UGT3A1: variants seen among roughly 807,000 people sequenced by gnomAD.
UGT3A1 encodes the protein UDP-glycosyltransferase 3A1.
In UGT3A1, 40 loss-of-function variants were observed where a neutral mutation model predicts 37.6. The ratio of observed to expected loss-of-function variants is 1.06; its 90% CI spans 0.83 to 1.38. The LOEUF is 1.38. UGT3A1 is among the 40% of genes most tolerant of loss of function. The probability of loss-of-function intolerance (pLI) is 0.00; values close to 1 mark genes in which losing one functional copy is unlikely to be tolerated. For synonymous variants in UGT3A1, 256 were observed against 232.3 expected (o/e 1.10, Z -0.93); for missense variants, 642 against 634.2 (o/e 1.01, Z -0.13).
intron 3 of UGT3A1, among the ~76,000 whole-genome samples, chr5:35,966,423 T>A (rs943517412): frequency 2.6e-5 from 4 of 152,206 alleles, no homozygotes; most frequent in Non-Finnish European, 5.9e-5. Flanking sequence ...TTGATGACAA[T>A]ATTAGAATCC....
Position 35,954,406 on chromosome 5 carries a change from C to A in UGT3A1, c.1368G>T (p.Val456=), listed in dbSNP as rs1437956219. Residue 456 remains valine (V), a synonymous_variant, in exon 7 of 7, where the codon GTG becomes GTT. Transcript: ENST00000274278. ...TCTGGAGGATGTGGTCGATCCAGCC[C>A]ACCAGCCGCTGTGCGGGGCTCAGGG... ...SQPLSPAQRL[V]GWIDHILQTG... is the part of the protein sequence containing the mutation. 1 of 1,614,212 alleles carries A rather than the reference C, an allele frequency of 6.2e-7. No homozygotes were observed. The highest frequency in any genetic ancestry group is 1.1e-5 in the South Asian group (1 of 91,076).
chr5:35,954,682 A>G, intron 6 of UGT3A1: 1 of 595,330 alleles, frequency 1.7e-6, no homozygotes, highest in Non-Finnish European at 3.0e-6. Flanking sequence ...ACCCACATAC[A>G]AAGACCAATG....
chr5:35,977,710 T>C (rs923298577), intron 2 of UGT3A1, among the ~76,000 whole-genome samples: 8 of 152,224 alleles, frequency 5.3e-5, no homozygotes, highest in Non-Finnish European at 1.0e-4. Context: ...CTTTATAAAT[T>C]ATGCTGCCTC....
intron 2 of UGT3A1, among the ~76,000 whole-genome samples, chr5:35,987,415 C>A (rs1167579403): frequency 6.6e-6 from 1 of 152,112 alleles, no homozygotes; most frequent in East Asian, 1.9e-4. Context: ...TCCACAGAAT[C>A]ATTTGTAGAT....
chr5:35,972,842 G>A (rs1048124904), intron 2 of UGT3A1, among the ~76,000 whole-genome samples: 4 of 151,436 alleles, frequency 2.6e-5, no homozygotes, highest in African/African-American at 9.7e-5. Context: ...TAAATTCCAA[G>A]CTCTGTCTCC....
chr5:35,965,289 A>T, intron 4 of UGT3A1, 97 bp downstream of exon 4: 6 of 1,338,790 alleles, frequency 4.5e-6, no homozygotes, highest in Non-Finnish European at 6.1e-6. Context: ...GCCAATCCCT[A>T]CTTCAACCTC....
At chr5:35,999,529 G>A (rs769321051) in intron 1 of UGT3A1, among the ~76,000 whole-genome samples, 9 of 152,136 alleles carry the variant, frequency 5.9e-5, no homozygotes, top group South Asian at 2.1e-4. Flanking sequence ...CTTGACTCCC[G>A]AAACTAAAAT....
chr5:35,962,708 C>T, intron 4 of UGT3A1: 1 of 582,370 alleles, frequency 1.7e-6, no homozygotes, highest in East Asian at 2.9e-5. Flanking sequence ...CAGATGGTAT[C>T]ACAATGAATG....
upstream of UGT3A1, among the ~76,000 whole-genome samples, chr5:35,992,392 G>A (rs1740979056): frequency 2.0e-5 from 3 of 152,060 alleles, no homozygotes; most frequent in Non-Finnish European, 4.4e-5. Flanking sequence ...GGTTGGGGGA[G>A]CGAAAGGGAG....
In UGT3A1 at chr5:35,954,041, C is replaced by T. The variant is rs700165; in HGVS notation, c.*161G>A. On this transcript the variant is annotated 3_prime_UTR_variant, in exon 7 of 7. Transcript: ENST00000274278. ...GGCAAGTCAAGAAGCCTCAGTGGTG[C>T]GTGAAGATTTCTAAACAGAGGCAGA... 0.2 allele frequency: 152,110 copies of T among 770,298 alleles called. 15,963 individuals carry two copies. Among genetic ancestry groups the T allele is most frequent in the African/African-American group, 0.26 (14,592 of 56,910 alleles). The allele number at this position is 770,298 out of a possible 1,614,324, so 47.7% of individuals were successfully genotyped here.
chr5:35,966,680 GA>G (rs1451010008), intron 3 of UGT3A1, among the ~76,000 whole-genome samples: 1 of 152,124 alleles, frequency 6.6e-6, no homozygotes, highest in Non-Finnish European at 1.5e-5. Context: ...ATAGAATACA[GA>G]AGAAGAGATG....
intron 4 of UGT3A1, chr5:35,962,808 G>T: frequency 1.4e-6 from 1 of 689,842 alleles, no homozygotes; most frequent in African/African-American, 1.8e-5. Flanking sequence ...GATTCTGAGG[G>T]TCAAAGCAGA....
At chr5:35,974,238 T>C (rs1306176720) in intron 2 of UGT3A1, among the ~76,000 whole-genome samples, 1 of 152,148 alleles carries the variant, frequency 6.6e-6, no homozygotes, top group Non-Finnish European at 1.5e-5. Flanking sequence ...CTGCTGAACA[T>C]TGGACCTTGA....
At chr5:35,955,511 C>T in intron 6 of UGT3A1, 134 bp downstream of exon 6, 1 of 997,036 alleles carries the variant, frequency 1.0e-6, no homozygotes, top group Non-Finnish European at 1.5e-6. Flanking sequence ...AACAGGTGGG[C>T]TGTTAGCATC....
In UGT3A1 at chr5:35,988,552, C is replaced by G; in HGVS notation, c.95-1G>C. 1.9e-6 allele frequency: 3 copies of G among 1,607,154 alleles called. No homozygotes were observed. Among genetic ancestry groups the G allele is most frequent in the Non-Finnish European group, 2.6e-6 (3 of 1,175,684 alleles). On this transcript the variant is annotated splice_acceptor_variant, in intron 1 of 6. Transcript: ENST00000274278. LOFTEE classifies it high-confidence loss of function. ...TCCAACAGTAGGTAATGGCTTCCAC[C>G]TAGAAACAATGCACAATGTCTTTTG...
chr5:35,969,401 T>A (rs1247421373), intron 2 of UGT3A1, among the ~76,000 whole-genome samples: 3 of 152,076 alleles, frequency 2.0e-5, no homozygotes, highest in Non-Finnish European at 2.9e-5. Flanking sequence ...AGAAAGAAGG[T>A]CTCTAACCTT....
chr5:35,997,159 G>A (rs1741116155), intron 2 of UGT3A1: 1 of 152,170 alleles, frequency 6.6e-6, no homozygotes, highest in Non-Finnish European at 1.5e-5. Flanking sequence ...TGTGCAGGAT[G>A]CTAGGGCAAT....
chr5:35,972,943 C>T (rs1740107839), intron 2 of UGT3A1, among the ~76,000 whole-genome samples: 2 of 151,848 alleles, frequency 1.3e-5, no homozygotes, highest in African/African-American at 4.8e-5. Flanking sequence ...AAATCAAACC[C>T]AGTCTCCTCC....
chr5:35,954,451 A>G lies in UGT3A1; in HGVS notation c.1323T>C (p.Ser441=). ...KRYKSAVVAA[S]VILHSQPLSP... ...TCAGGGGCTGAGAGTGCAGGATGAC[A>G]CTGGCTGCCACCACTGCCGACTTGT... Residue 441 remains serine, a synonymous_variant, in exon 7 of 7, where the codon AGT becomes AGC. Coordinates refer to ENST00000274278, the MANE Select transcript of UGT3A1 (RefSeq NM_152404.4). 6.2e-7 allele frequency: 1 copy of G among 1,614,130 alleles called. No homozygotes were observed. Among genetic ancestry groups the G allele is most frequent in the Non-Finnish European group, 8.5e-7 (1 of 1,179,984 alleles).
Sources: allele counts gnomAD v4.1 joint callset (sites outside exome capture counted in the v4.1 genomes callset), GRCh38; gene constraint gnomAD v4.1.1; transcripts MANE v1.5; gene names NCBI Gene and HGNC (gene_info 2026-07-23, HGNC 2026-07-21).